The following OTUD3 variants were observed in gnomAD, a reference collection of about 807,000 sequenced individuals.
The protein encoded by OTUD3 is OTU deubiquitinase 3.
A neutral mutation model predicts 46.2 loss-of-function variants in OTUD3; 24 were observed. The observed-to-expected ratio is 0.52, with a 90% confidence interval of 0.38 to 0.73. The LOEUF (loss-of-function observed/expected upper bound fraction) is 0.73. Ranked by LOEUF, OTUD3 falls within the 30% of genes least tolerant of loss-of-function variation. The pLI, the probability that OTUD3 is intolerant of heterozygous loss-of-function variation, is 0.00. For synonymous variants in OTUD3, 189 were observed against 195.4 expected (o/e 0.97, Z 0.27); for missense variants, 455 against 523.3 (o/e 0.87, Z 1.27).
Position 19,909,618 on chromosome 1 carries a change from CT to C in OTUD3, c.*1873del, listed in dbSNP as rs1364534875. The C allele has an allele frequency of 1.3e-5, 2 of 152,336 alleles. No individual in the cohort carries two copies. The highest frequency in any genetic ancestry group is 2.9e-5 in the Non-Finnish European group (2 of 68,060). 9.4% of individuals were successfully genotyped at this position (152,336 alleles called of 1,614,324 possible). A position where few individuals can be genotyped will look rare whatever the true frequency, so the allele number is the denominator to read the frequency against. On this transcript the variant is annotated 3_prime_UTR_variant, in exon 8 of 8. Coordinates refer to ENST00000375120, the MANE Select transcript of OTUD3 (RefSeq NM_015207.2). ...AAGATGTTTTCCTGTCTGTTTTGTA[CT>C]GCTTGAGTGCAGAGGCCAGATCCTC...
chr1:19,897,294 C>A (rs895967112), intron 3 of OTUD3, among the ~76,000 whole-genome samples: 2 of 152,074 alleles, frequency 1.3e-5, no homozygotes, highest in African/African-American at 4.8e-5. Context: ...GCAAGTCTGC[C>A]CCTGGTTTTT....
chr1:19,883,841 G>A (rs1469518823), intron 1 of OTUD3, among the ~76,000 whole-genome samples: 1 of 152,186 alleles, frequency 6.6e-6, no homozygotes, highest in East Asian at 1.9e-4. Context: ...ACATTACATT[G>A]CAGCTTATTG....
At chr1:19,889,594 A>G (rs1165830174) in intron 1 of OTUD3, among the ~76,000 whole-genome samples, 1 of 152,214 alleles carries the variant, frequency 6.6e-6, no homozygotes, top group Non-Finnish European at 1.5e-5. Context: ...TGTGTATCTA[A>G]GCCTCTGTGT....
At chr1:19,893,161 A>C (rs2045471641) in intron 2 of OTUD3, among the ~76,000 whole-genome samples, 1 of 152,118 alleles carries the variant, frequency 6.6e-6, no homozygotes, top group African/African-American at 2.4e-5. Flanking sequence ...ACGTTGGCTT[A>C]TGTTCACCAC....
In OTUD3 at chr1:19,911,331, C is replaced by G. The variant is rs1455303436; in HGVS notation, c.*3585C>G. On this transcript the variant is annotated 3_prime_UTR_variant, in exon 8 of 8. Coordinates refer to ENST00000375120, the MANE Select transcript of OTUD3 (RefSeq NM_015207.2). Reference sequence around the variant, plus strand: ...AACTCCGGGGCCTTTGACAGTTGTTCTGAGGTGATTTAATAATGGACTTTT... The same window carrying G: ...AACTCCGGGGCCTTTGACAGTTGTTGTGAGGTGATTTAATAATGGACTTTT... 1 of 151,642 alleles carries G rather than the reference C, an allele frequency of 6.6e-6. No individual in the cohort carries two copies. Among genetic ancestry groups the G allele is most frequent in the Non-Finnish European group, 1.5e-5 (1 of 67,966 alleles). 9.4% of individuals were successfully genotyped at this position (151,642 alleles called of 1,614,324 possible).
Position 19,907,877 on chromosome 1 carries a change from G to A in OTUD3, c.*131G>A. ...GCCCACACATGAGCTCACACACTGA[G>A]TTAGTTTCGTTCAAGCTGCCTCTTT... On this transcript the variant is annotated 3_prime_UTR_variant, in exon 8 of 8. Coordinates refer to ENST00000375120, the MANE Select transcript of OTUD3 (RefSeq NM_015207.2). 1 of 726,168 alleles carries A rather than the reference G, an allele frequency of 1.4e-6. No homozygotes were observed. Among genetic ancestry groups the A allele is most frequent in the Non-Finnish European group, 2.2e-6 (1 of 464,060 alleles). The allele number at this position is 726,168 out of a possible 1,614,324, so 45.0% of individuals were successfully genotyped here.
intron 2 of OTUD3, among the ~76,000 whole-genome samples, chr1:19,892,648 A>G (rs1243209159): frequency 2.0e-5 from 3 of 152,092 alleles, no homozygotes; most frequent in African/African-American, 7.2e-5. Context: ...TTACCCGTTC[A>G]TTACATGTTA....
rs1010874072 is a variant in OTUD3 at position 19,910,764 on chromosome 1, A to G, written c.*3018A>G. ...GAGGGAGCCTCTCCATGGGTAATTT[A>G]TTATGCCTGCCCTGCTTCCCCCAGG... On this transcript the variant is annotated 3_prime_UTR_variant, in exon 8 of 8. Coordinates refer to ENST00000375120, the MANE Select transcript of OTUD3 (RefSeq NM_015207.2). The G allele has an allele frequency of 1.3e-5, 2 of 149,034 alleles. No individual in the cohort carries two copies. The highest frequency in any genetic ancestry group is 3.0e-5 in the Non-Finnish European group (2 of 67,192). 9.2% of individuals were successfully genotyped at this position (149,034 alleles called of 1,614,324 possible).
intron 3 of OTUD3, among the ~76,000 whole-genome samples, 188 bp downstream of exon 3, chr1:19,894,668 C>T (rs767655260): frequency 5.3e-5 from 8 of 152,246 alleles, no homozygotes; most frequent in East Asian, 1.9e-4. Flanking sequence ...AAATGGAGTC[C>T]GGAGTATAAT....
At position 19,906,415 on chromosome 1, in the gene OTUD3, A is replaced by G. The variant is rs374110814; in HGVS notation, c.836-17A>G. Reference sequence around the variant, plus strand: ...CTCTCAGGTTCTCAGTTTTAATGAAATGTCTTTCTTTGGAAGATGCAGAAG... The same window carrying G: ...CTCTCAGGTTCTCAGTTTTAATGAAGTGTCTTTCTTTGGAAGATGCAGAAG... On this transcript the variant is annotated splice_polypyrimidine_tract_variant and intron_variant, in intron 6 of 7. Transcript: ENST00000375120. 1.9e-6 allele frequency: 3 copies of G among 1,611,494 alleles called. No individual in the cohort carries two copies. The highest frequency in any genetic ancestry group is 1.7e-6 in the Non-Finnish European group (2 of 1,178,414).
intron 1 of OTUD3, among the ~76,000 whole-genome samples, chr1:19,889,194 C>T (rs1485972127): frequency 6.6e-6 from 1 of 152,030 alleles, no homozygotes. Flanking sequence ...GCCTACAGAA[C>T]TCTATATTCC....
intron 7 of OTUD3, 43 bp from the exon 8 acceptor site, chr1:19,907,527 G>A: frequency 6.3e-7 from 1 of 1,591,764 alleles, no homozygotes; most frequent in East Asian, 2.2e-5. Context: ...GGCAGCTTGA[G>A]TCCCCCGTGC....
In OTUD3 at chr1:19,902,227, C is replaced by T. The variant is rs565718126; in HGVS notation, c.607-2040C>T. On this transcript the variant is annotated intron_variant, in intron 4 of 7. Transcript: ENST00000375120. ...AGTATCTTAAAGTTTTTTTTCGAGA[C>T]GGAGTCTTGCTCTGTCGCCCAGGCT... is the stretch of plus-strand genomic sequence containing the variant. 9.2e-5 allele frequency among the ~76,000 whole-genome samples: 14 copies of T among 152,086 alleles called. No homozygotes were observed. In the East Asian group the frequency reaches 2.1e-3, roughly 23 times the overall value.
chr1:19,894,520 TCTAAGTCAG>T (rs372964689), intron 3 of OTUD3, 40 bp downstream of exon 3: 135,993 of 1,207,950 alleles, frequency 0.11, 8,080 homozygotes, highest in Admixed American at 0.16. Flanking sequence ...AGCTCTTATT[TCTAAGTCAG>T]CTTTGGGAAT....
chr1:19,900,398 C>T (rs962901876), intron 4 of OTUD3, among the ~76,000 whole-genome samples: 10 of 151,922 alleles, frequency 6.6e-5, no homozygotes, highest in African/African-American at 1.5e-4. Context: ...CTTTGTTGCC[C>T]GGGCTGGTCT....
chr1:19,897,082 C>T (rs1447739573), intron 3 of OTUD3, among the ~76,000 whole-genome samples: 4 of 152,172 alleles, frequency 2.6e-5, no homozygotes, highest in African/African-American at 7.2e-5. Flanking sequence ...GACTCCCTTT[C>T]TAGGTCTTGG....
intron 1 of OTUD3, among the ~76,000 whole-genome samples, chr1:19,883,661 G>T (rs2045308785): frequency 4.5e-5 from 3 of 66,514 alleles, no homozygotes; most frequent in Admixed American, 4.4e-4. Context: ...TTGTTATTTT[G>T]TAGAGACGGT....
chr1:19,890,622 TTTGG>T (rs1277760496), intron 2 of OTUD3, 89 bp downstream of exon 2: 1 of 1,168,694 alleles, frequency 8.6e-7, no homozygotes, highest in Admixed American at 1.9e-5. Context: ...CAGCCAAGGG[TTTGG>T]TTATATAAAT....
intron 4 of OTUD3, among the ~76,000 whole-genome samples, chr1:19,902,614 T>C (rs1173118174): frequency 2.0e-5 from 3 of 152,218 alleles, no homozygotes; most frequent in Admixed American, 6.5e-5. Flanking sequence ...TATTCAAGTC[T>C]TTTGCCTATT....
Sources: gnomAD v4.1 joint callset for allele counts (sites outside exome capture counted in the v4.1 genomes callset) on GRCh38, gnomAD v4.1.1 for gene constraint, MANE v1.5 for transcripts, NCBI Gene and HGNC (gene_info 2026-07-23, HGNC 2026-07-21) for gene names.